The following CLXN variants were observed in gnomAD, a reference collection of about 807,000 sequenced individuals.
The protein encoded by CLXN is calaxin, also known as EF-hand calcium binding domain 1.
the CLXN span, chr8:48,729,822 C>T: frequency 1.2e-6 from 2 of 1,613,098 alleles, no homozygotes; most frequent in Non-Finnish European, 1.7e-6. Flanking sequence ...GAAACATTTC[C>T]TCCTTTGAAA....
At chr8:48,731,704 C>T in the CLXN span, among the ~76,000 whole-genome samples, 1 of 14,984 alleles carries the variant, frequency 6.7e-5, no homozygotes, top group Non-Finnish European at 1.2e-4. Context: ...ACAGGAATTC[C>T]CATGTTTAGG....
At chr8:48,729,845 C>T in the CLXN span, 1 of 1,612,550 alleles carries the variant, frequency 6.2e-7, no homozygotes, top group African/African-American at 1.3e-5. Context: ...AATCCGTCAC[C>T]ATTCAAATCA....
chr8:48,734,233 G>A, the CLXN span, among the ~76,000 whole-genome samples: 1 of 152,150 alleles, frequency 6.6e-6, no homozygotes, highest in Non-Finnish European at 1.5e-5. Flanking sequence ...TGTTGCTTCT[G>A]TTTCTTCAAG....
At chr8:48,731,683 A>G in the CLXN span, among the ~76,000 whole-genome samples, 1 of 137,662 alleles carries the variant, frequency 7.3e-6, no homozygotes, top group South Asian at 2.6e-4. Flanking sequence ...AAAAAGCAGC[A>G]TACCCTCCAA....
the CLXN span, among the ~76,000 whole-genome samples, chr8:48,712,961 G>T: frequency 5.6e-5 from 8 of 143,288 alleles, no homozygotes; most frequent in East Asian, 2.1e-4. Flanking sequence ...GACCGTGCCA[G>T]CTTGGGCAAC....
chr8:48,722,220 C>G, the CLXN span, among the ~76,000 whole-genome samples: 1 of 152,126 alleles, frequency 6.6e-6, no homozygotes, highest in African/African-American at 2.4e-5. Flanking sequence ...AAATGCAGAT[C>G]AAAACCAGAA....
chr8:48,730,997 C>T, the CLXN span, among the ~76,000 whole-genome samples: 142 of 152,114 alleles, frequency 9.3e-4, 1 homozygote, highest in Middle Eastern at 3.4e-3. Flanking sequence ...TTACTTGATG[C>T]ATAGAATTAT....
At chr8:48,730,515 C>T in the CLXN span, 1 of 1,478,996 alleles carries the variant, frequency 6.8e-7, no homozygotes, top group South Asian at 1.2e-5. Context: ...AATGTACGAA[C>T]CAATAGGACA....
chr8:48,734,220 G>C, the CLXN span, among the ~76,000 whole-genome samples: 1 of 152,138 alleles, frequency 6.6e-6, no homozygotes, highest in Non-Finnish European at 1.5e-5. Flanking sequence ...TTATTTGGGG[G>C]ATTGTTGCTT....
chr8:48,717,343 A>G, the CLXN span, among the ~76,000 whole-genome samples: 1 of 152,212 alleles, frequency 6.6e-6, no homozygotes, highest in Admixed American at 6.5e-5. Context: ...ATTTCTCAGC[A>G]AAAACCCTGT....
At chr8:48,731,409 A>C in the CLXN span, 2 of 1,613,572 alleles carry the variant, frequency 1.2e-6, no homozygotes, top group East Asian at 2.2e-5. Flanking sequence ...TTCGAAATGC[A>C]TTACGATCCA....
At chr8:48,729,377 G>A in the CLXN span, among the ~76,000 whole-genome samples, 1 of 151,784 alleles carries the variant, frequency 6.6e-6, no homozygotes, top group Non-Finnish European at 1.5e-5. Flanking sequence ...AAAAAAATTA[G>A]CTGGGCATGG....
chr8:48,724,808 A>G, the CLXN span: 10 of 1,609,736 alleles, frequency 6.2e-6, no homozygotes, highest in Admixed American at 1.5e-4. Flanking sequence ...GGCTCTGTAA[A>G]AAAAGGTACT....
chr8:48,714,863 G>A, the CLXN span: 1 of 152,174 alleles, frequency 6.6e-6, no homozygotes, highest in Non-Finnish European at 1.5e-5. Context: ...TTTATCTACA[G>A]GGAGTGTTCA....
chr8:48,728,930 T>A, the CLXN span: 1 of 647,706 alleles, frequency 1.5e-6, no homozygotes, highest in Non-Finnish European at 2.5e-6. Context: ...ATTTAAAAGG[T>A]ATTCTTTCTT....
At chr8:48,713,810 AT>A in the CLXN span, 2 of 152,134 alleles carry the variant, frequency 1.3e-5, no homozygotes, top group African/African-American at 4.8e-5. Flanking sequence ...GTACACAGAG[AT>A]ATTTGCAGGT....
the CLXN span, among the ~76,000 whole-genome samples, chr8:48,725,222 G>A: frequency 2.0e-5 from 3 of 152,162 alleles, no homozygotes; most frequent in Admixed American, 6.5e-5. Context: ...AAGGGTGAGG[G>A]GGATGTGGTT....
the CLXN span, chr8:48,712,453 T>C: frequency 1.3e-5 from 2 of 152,190 alleles, no homozygotes; most frequent in Non-Finnish European, 2.9e-5. Context: ...ATAGGGGCAG[T>C]GTGGAGCAAA....
At chr8:48,712,786 G>A in the CLXN span, among the ~76,000 whole-genome samples, 1 of 152,048 alleles carries the variant, frequency 6.6e-6, no homozygotes, top group African/African-American at 2.4e-5. Context: ...AGATCACAAG[G>A]TCAGGAGTTT....
Sources: gnomAD v4.1 joint callset for allele counts (sites outside exome capture counted in the v4.1 genomes callset) on GRCh38, gnomAD v4.1.1 for gene constraint, MANE v1.5 for transcripts, NCBI Gene and HGNC (gene_info 2026-07-23, HGNC 2026-07-21) for gene names.